ITFG2: variants seen among roughly 807,000 people sequenced by gnomAD.
The protein encoded by ITFG2 is KICSTOR complex protein ITFG2.
ITFG2 carries 36 observed loss-of-function variants against 54.4 expected under a neutral mutation model. That is an observed-to-expected ratio of 0.66 (90% CI 0.51 to 0.87). The LOEUF (loss-of-function observed/expected upper bound fraction) is 0.87. Among genes scored for constraint, ITFG2 ranks in the 40% least tolerant of loss-of-function variants. ITFG2 has a pLI of 0.00. For synonymous variants in ITFG2, 211 were observed against 225.4 expected, an observed-to-expected ratio of 0.94 and a Z score of 0.57; for missense variants, 524 against 576.7, an observed-to-expected ratio of 0.91 and a Z score of 0.94.
chr12:2,820,605 C>T (rs1437361525), intron 5 of ITFG2, 119 bp from the exon 6 acceptor site: 1 of 879,560 alleles, frequency 1.1e-6, no homozygotes, highest in Non-Finnish European at 1.7e-6. Context: ...GAGGGCTGTT[C>T]CCAGGACTGC....
At chr12:2,832,410 CCT>C (rs2098007971), upstream of ITFG2, among the ~76,000 whole-genome samples, 1 of 149,704 alleles carries the variant, frequency 6.7e-6, no homozygotes, top group Non-Finnish European at 1.5e-5. Context: ...TGTCTTCACT[CCT>C]CTCTCCTCTC....
chr12:2,858,544 C>T, intron 3 of ITFG2: 1 of 1,112,960 alleles, frequency 9.0e-7, no homozygotes, highest in Non-Finnish European at 1.3e-6. Context: ...AGAACAGTCC[C>T]TGCCTGCTGT....
intron 2 of ITFG2, chr12:2,857,025 ATTC>A: frequency 1.4e-6 from 1 of 702,928 alleles, no homozygotes; most frequent in Non-Finnish European, 2.6e-6. Flanking sequence ...GTTACTGGCC[ATTC>A]TTCTGGGCCT....
intron 2 of ITFG2, among the ~76,000 whole-genome samples, chr12:2,843,867 G>A (rs1047649797): frequency 6.7e-6 from 1 of 148,732 alleles, no homozygotes; most frequent in Non-Finnish European, 1.5e-5. Flanking sequence ...CTGGGGTGAA[G>A]TGCTTAATCT....
chr12:2,852,172 A>G (rs1565449678), intron 2 of ITFG2, among the ~76,000 whole-genome samples: 2 of 152,134 alleles, frequency 1.3e-5, no homozygotes, highest in Non-Finnish European at 2.9e-5. Context: ...TGGGGACCTA[A>G]TTCCTTGTCT....
chr12:2,822,646 G>A, intron 9 of ITFG2, 148 bp from the exon 10 acceptor site: 1 of 694,300 alleles, frequency 1.4e-6, no homozygotes, highest in Non-Finnish European at 2.6e-6. Flanking sequence ...ACTTCCTAGG[G>A]TGGCTGTGAG....
At chr12:2,854,088 C>T (rs2098079784) in intron 2 of ITFG2, among the ~76,000 whole-genome samples, 1 of 152,150 alleles carries the variant, frequency 6.6e-6, no homozygotes, top group Non-Finnish European at 1.5e-5. Context: ...TGCAATGGCA[C>T]CATCTTGGCT....
chr12:2,826,377 G>A (rs566814429), downstream of ITFG2: 3 of 152,242 alleles, frequency 2.0e-5, no homozygotes, highest in African/African-American at 7.2e-5. Context: ...CTGAATAGGT[G>A]AAGTCTGAGT....
intron 3 of ITFG2, chr12:2,858,549 T>C: frequency 8.5e-7 from 1 of 1,170,116 alleles, no homozygotes; most frequent in Non-Finnish European, 1.2e-6. Context: ...AGTCCCTGCC[T>C]GCTGTCCTCA....
In ITFG2 at chr12:2,859,116, G is replaced by A. The variant is rs199632659; in HGVS notation, n.621-418G>A. The A allele has an allele frequency of 1.0e-4, 162 of 1,605,794 alleles. 2 individuals carry two copies. Among genetic ancestry groups the A allele is most frequent in the African/African-American group, 8.7e-4 (65 of 74,862 alleles). ...GCTCGGGGTGGAGGAGATGGGCAGC[G>A]TTTCCTTAATGGGTGTCTTAAAAGG... On this transcript the variant is annotated intron_variant and non_coding_transcript_variant, in intron 3 of 3. Coordinates refer to the ITFG2 transcript ENST00000537710.
chr12:2,849,316 G>C lies in ITFG2; in HGVS notation n.300+8321G>C, dbSNP rs577661447. 12 of 1,536,140 alleles carry C rather than the reference G, an allele frequency of 7.8e-6. No homozygotes were observed. In the African/African-American group the frequency reaches 9.6e-5, roughly 12 times the overall value. ...GGAGAGATGGTGGAGGGGTAAGGCA[G>C]TTCTGTCCTTTATCAGGGTTTGGAA... On this transcript the variant is annotated intron_variant and non_coding_transcript_variant, in intron 2 of 3. Transcript: ENST00000537710.
intron 2 of ITFG2, among the ~76,000 whole-genome samples, chr12:2,856,397 T>G (rs544891356): frequency 7.9e-5 from 12 of 152,304 alleles, no homozygotes; most frequent in African/African-American, 2.9e-4. Flanking sequence ...GGAGTTTCAC[T>G]CTTGTTACCC....
upstream of ITFG2, among the ~76,000 whole-genome samples, chr12:2,833,566 A>G (rs904392865): frequency 1.3e-5 from 2 of 151,968 alleles, no homozygotes; most frequent in East Asian, 1.9e-4. Flanking sequence ...GCCTGCAGAC[A>G]TGCTTCCAAC....
At chr12:2,826,975 A>G (rs2097970148), downstream of ITFG2, 1 of 1,354,476 alleles carries the variant, frequency 7.4e-7, no homozygotes, top group African/African-American at 1.5e-5. Flanking sequence ...ATGAATCAGA[A>G]TCCTGGCATC....
intron 5 of ITFG2, 141 bp downstream of exon 5, chr12:2,820,366 C>G (rs2097939298): frequency 9.3e-7 from 1 of 1,075,776 alleles, no homozygotes; most frequent in Non-Finnish European, 1.3e-6. Flanking sequence ...ATCCAAAGAC[C>G]ATTTCAAATC....
At position 2,821,615 on chromosome 12, in the gene ITFG2, G is replaced by C; in HGVS notation, c.847+19G>C. On this transcript the variant is annotated intron_variant, in intron 8 of 11. Coordinates refer to ENST00000228799, the MANE Select transcript of ITFG2 (RefSeq NM_018463.4). ...CTGGATGGTGAGCAATGCTAGGATGGGGTGTGGGGGCTGTATGCCTGTAGG... is the reference window on the plus strand; with the variant it reads ...CTGGATGGTGAGCAATGCTAGGATGCGGTGTGGGGGCTGTATGCCTGTAGG... 1 of 1,614,090 alleles carries C rather than the reference G, an allele frequency of 6.2e-7. No individual in the cohort carries two copies. The highest frequency in any genetic ancestry group is 8.5e-7 in the Non-Finnish European group (1 of 1,179,980).
chr12:2,827,319 C>T, downstream of ITFG2: 1 of 1,603,430 alleles, frequency 6.2e-7, no homozygotes, highest in Non-Finnish European at 8.5e-7. The surrounding 1 kb of genome is among the most constrained non-coding windows in gnomAD (Gnocchi z 4.0). Context: ...GTAGAGCAGT[C>T]ATGCCAGGTC....
At chr12:2,827,114 T>A (rs2097971176), downstream of ITFG2, 1 of 1,584,132 alleles carries the variant, frequency 6.3e-7, no homozygotes, top group Non-Finnish European at 8.6e-7. The surrounding 1 kb of genome is among the most constrained non-coding windows in gnomAD (Gnocchi z 4.0). Flanking sequence ...GACACCATAG[T>A]CCCCAGCTAC....
At chr12:2,839,625 C>T (rs564769804) in intron 1 of ITFG2, among the ~76,000 whole-genome samples, 1 of 152,194 alleles carries the variant, frequency 6.6e-6, no homozygotes, top group African/African-American at 2.4e-5. Context: ...CTGAGCTAGG[C>T]CCTGGGTGTA....
Sources: allele counts gnomAD v4.1 joint callset (sites outside exome capture counted in the v4.1 genomes callset), GRCh38; gene constraint gnomAD v4.1.1; non-coding constraint Gnocchi (gnomAD v3.1); transcripts MANE v1.5; gene names NCBI Gene and HGNC (gene_info 2026-07-23, HGNC 2026-07-21).